The following UTP18 variants were observed in gnomAD, a reference collection of about 807,000 sequenced individuals.
UTP18 encodes U3 small nucleolar RNA-associated protein 18 homolog.
In UTP18, 36 loss-of-function variants were observed where a neutral mutation model predicts 61.1. The observed-to-expected ratio is 0.59, with a 90% CI of 0.45 to 0.78. The LOEUF (loss-of-function observed/expected upper bound fraction) is 0.78. Ranked by LOEUF, UTP18 falls within the 30% of genes least tolerant of loss-of-function variation. The pLI is 0.00. For missense variants in UTP18, 753 were observed against 693.9 expected (o/e 1.09, Z -0.96); for synonymous variants, 282 against 251.1 (o/e 1.12, Z -1.16).
chr17:51,270,228 A>G (rs1904480859), intron 4 of UTP18, among the ~76,000 whole-genome samples: 1 of 152,184 alleles, frequency 6.6e-6, no homozygotes, highest in African/African-American at 2.4e-5. Context: ...GTATGTCCCA[A>G]CAAGTCTCTA....
Position 51,279,894 on chromosome 17 carries a change from A to T in UTP18, c.1013-111A>T, listed in dbSNP as rs1226046459. 5 of 889,988 alleles carry T rather than the reference A, an allele frequency of 5.6e-6. No individual in the cohort carries two copies. In the African/African-American group the frequency reaches 6.8e-5, roughly 12 times the overall value. 55.1% of individuals were successfully genotyped at this position (889,988 alleles called of 1,614,324 possible). On this transcript the variant is annotated intron_variant, in intron 7 of 13. Transcript: ENST00000225298. ...CGGGGTCTGAGCCAGGGTTTTGTTT[A>T]ATTTGAGCCACTTACGTATTTTAAA...
rs772541071 is a variant in UTP18, at chr17:51,293,978, A to G, written c.1579A>G (p.Met527Val). The change falls in exon 12 of 14, where the codon ATG (methionine) becomes GTG (valine). Residue 527 changes from methionine to valine, a missense_variant. Coordinates refer to ENST00000225298, the MANE Select transcript of UTP18 (RefSeq NM_016001.3). ...KNKNISHVHT[M>V]DFSPRSGYFA... ...TAAGAATATTTCTCATGTTCATACC[A>G]TGGATTTTTCTCCGAGAAGTGGATA... 15 of 1,610,954 alleles carry G rather than the reference A, an allele frequency of 9.3e-6. No homozygotes were observed. The highest frequency in any genetic ancestry group is 1.1e-5 in the Non-Finnish European group (13 of 1,178,400).
chr17:51,268,000 G>GTTTTT (rs1904356519), intron 3 of UTP18, among the ~76,000 whole-genome samples: 1 of 142,690 alleles, frequency 7.0e-6, no homozygotes, highest in Non-Finnish European at 1.5e-5. Flanking sequence ...TTGTTTTTTT[G>GTTTTT]TTTTTTGTTT....
intron 10 of UTP18, among the ~76,000 whole-genome samples, chr17:51,285,693 A>G (rs1378993322): frequency 2.6e-5 from 4 of 152,340 alleles, no homozygotes; most frequent in East Asian, 1.9e-4. Context: ...TATTGTTACA[A>G]TTGTTCTGTT....
chr17:51,266,393 T>C, intron 3 of UTP18, 113 bp downstream of exon 3: 1 of 666,810 alleles, frequency 1.5e-6, no homozygotes, highest in South Asian at 3.3e-5. Context: ...AGAGGATTGC[T>C]ATTGTGGGCA....
At chr17:51,264,390 C>T (rs1212988068) in intron 2 of UTP18, among the ~76,000 whole-genome samples, 1 of 152,128 alleles carries the variant, frequency 6.6e-6, no homozygotes, top group Non-Finnish European at 1.5e-5. Flanking sequence ...TAATGTTTAT[C>T]ACCTCTTTAT....
chr17:51,283,459 C>G lies in UTP18; in HGVS notation c.1205-1786C>G, dbSNP rs1025273492. Among the ~76,000 whole-genome samples, 5 of 151,866 alleles carry G rather than the reference C, an allele frequency of 3.3e-5. No individual in the cohort carries two copies. The South Asian group carries it at 6.2e-4, about 19-fold the overall frequency. On this transcript the variant is annotated intron_variant, in intron 9 of 13. Coordinates refer to ENST00000225298, the MANE Select transcript of UTP18 (RefSeq NM_016001.3). ...CTGGGATTATAGGTGTGAGCCACTG[C>G]GTGTGCACCCTTTTCTTATTCTGTA...
At chr17:51,261,274 T>A (rs2055470355) in intron 1 of UTP18, among the ~76,000 whole-genome samples, 1 of 152,194 alleles carries the variant, frequency 6.6e-6, no homozygotes, top group African/African-American at 2.4e-5. Flanking sequence ...CCTCAGTTCC[T>A]TGTGATTCAG....
At chr17:51,284,499 C>T (rs796643984) in intron 9 of UTP18, among the ~76,000 whole-genome samples, 10 of 152,220 alleles carry the variant, frequency 6.6e-5, no homozygotes, top group African/African-American at 2.4e-4. Flanking sequence ...CTTCCATCAT[C>T]ATTAACATTT....
At position 51,273,463 on chromosome 17, in the gene UTP18, G is replaced by C; in HGVS notation, c.711+13G>C. ...AGGAATCTTGAAGGTGAGAGTCAGT[G>C]AAGTTGGGGGATCCTATCTAACTAC... On this transcript the variant is annotated intron_variant, in intron 5 of 13. Coordinates refer to ENST00000225298, the MANE Select transcript of UTP18 (RefSeq NM_016001.3). The C allele has an allele frequency of 1.3e-6, 2 of 1,595,996 alleles. No individual in the cohort carries two copies. The highest frequency in any genetic ancestry group is 4.5e-5 in the East Asian group (2 of 44,294).
chr17:51,271,343 A>G lies in UTP18; in HGVS notation c.623-2019A>G, dbSNP rs374505525. ...TTTTTTTGAGACAGGGTCTCACTCT[A>G]TCGCCCAGTCTGGAGTGCAGTGACG... On this transcript the variant is annotated intron_variant, in intron 4 of 13. Coordinates refer to ENST00000225298, the MANE Select transcript of UTP18 (RefSeq NM_016001.3). Among the ~76,000 whole-genome samples the G allele has an allele frequency of 5.3e-5, 8 of 151,784 alleles. No homozygotes were observed. The East Asian group carries it at 5.8e-4, about 11-fold the overall frequency.
rs560725507 is a variant in UTP18, at chr17:51,262,557, G to A, written c.343-717G>A. 3.6e-4 allele frequency among the ~76,000 whole-genome samples: 55 copies of A among 152,116 alleles called. No individual in the cohort carries two copies. In the South Asian group the frequency reaches 8.9e-3, roughly 25 times the overall value. On this transcript the variant is annotated intron_variant, in intron 1 of 13. Transcript: ENST00000225298. ...ATCTCCCTTTTGCTAATAGTAACTG[G>A]TTGCTCTTCTTGTTGGTCACAGATA...
chr17:51,294,148 T>A (rs1453231969), intron 12 of UTP18, 103 bp downstream of exon 12: 8 of 910,564 alleles, frequency 8.8e-6, no homozygotes, highest in Non-Finnish European at 1.2e-5. Context: ...TAAATTCTAG[T>A]CTGTTTATCT....
chr17:51,278,062 T>C (rs1271924885), intron 7 of UTP18, among the ~76,000 whole-genome samples: 1 of 152,202 alleles, frequency 6.6e-6, no homozygotes, highest in Non-Finnish European at 1.5e-5. Context: ...TACTAGTGGT[T>C]GAAAGTGGAT....
intron 6 of UTP18, 85 bp downstream of exon 6, chr17:51,276,076 C>A: frequency 1.5e-6 from 2 of 1,338,194 alleles, no homozygotes; most frequent in Admixed American, 2.7e-5. Context: ...TGCAAAAATA[C>A]TGAAAAAGAT....
In UTP18 at chr17:51,280,565, C is replaced by G. The variant is rs977266702; in HGVS notation, c.1204+86C>G. 6.9e-6 allele frequency: 9 copies of G among 1,302,516 alleles called. 1 individual carries two copies. In the Admixed American group the frequency reaches 9.4e-5, roughly 14 times the overall value. The allele number at this position is 1,302,516 out of a possible 1,614,324, so 80.7% of individuals were successfully genotyped here. ...GCGGTGGCTCACGTGTGTAATCCCA[C>G]CACTTTGGGAGGCCGAGATGGGCAG... On this transcript the variant is annotated intron_variant, in intron 9 of 13. Coordinates refer to ENST00000225298, the MANE Select transcript of UTP18 (RefSeq NM_016001.3).
intron 11 of UTP18, among the ~76,000 whole-genome samples, chr17:51,292,650 A>C (rs561874519): frequency 6.6e-6 from 1 of 152,240 alleles, no homozygotes; most frequent in African/African-American, 2.4e-5. Flanking sequence ...TGAAGGTGCT[A>C]TATCTCTTGG....
chr17:51,274,385 C>G (rs1000075663), intron 5 of UTP18, among the ~76,000 whole-genome samples: 4 of 152,172 alleles, frequency 2.6e-5, no homozygotes, highest in Admixed American at 6.5e-5. Context: ...ACGGGCAGTA[C>G]TTTAGTTAAA....
chr17:51,291,828 GCTCC>G (rs1373023449), intron 11 of UTP18, among the ~76,000 whole-genome samples: 13 of 152,128 alleles, frequency 8.5e-5, no homozygotes, highest in African/African-American at 3.1e-4. Flanking sequence ...CAGAAAACCA[GCTCC>G]CCAAACTTCA....
Sources: gnomAD v4.1 joint callset for allele counts (sites outside exome capture counted in the v4.1 genomes callset) on GRCh38, gnomAD v4.1.1 for gene constraint, MANE v1.5 for transcripts, NCBI Gene and HGNC (gene_info 2026-07-23, HGNC 2026-07-21) for gene names.